MICAL2: variants seen among roughly 807,000 people sequenced by gnomAD.
MICAL2 encodes microtubule associated monooxygenase, calponin and LIM domain containing 2.
Under a neutral mutation model 127.3 loss-of-function variants are expected in MICAL2, and 77 were observed. The ratio of observed to expected loss-of-function variants is 0.60; its 90% CI spans 0.50 to 0.73. The LOEUF (loss-of-function observed/expected upper bound fraction) is 0.73. MICAL2 is among the 30% of genes least tolerant of loss of function. The probability of loss-of-function intolerance (pLI) is 0.00; values close to 1 mark genes in which losing one functional copy is unlikely to be tolerated. For synonymous variants in MICAL2, 570 were observed against 551.1 expected (o/e 1.03, Z -0.48); for missense variants, 1,351 against 1,434.4 (o/e 0.94, Z 0.94).
At chr11:12,179,769 C>T (rs1302457928) in intron 3 of MICAL2, among the ~76,000 whole-genome samples, 1 of 152,190 alleles carries the variant, frequency 6.6e-6, no homozygotes, top group Non-Finnish European at 1.5e-5. Flanking sequence ...CAGAGCCCAG[C>T]TGGTTGGTGT....
rs753349067 is a variant in MICAL2 at position 12,262,465 on chromosome 11, C to T, written c.3335-15C>T. Reference sequence around the variant, plus strand: ...ATCTTTCTCTCTCTTTCCAATCTTACGCCATGGCCATCAGTTCATTTCAGC... The same window carrying T: ...ATCTTTCTCTCTCTTTCCAATCTTATGCCATGGCCATCAGTTCATTTCAGC... On this transcript the variant is annotated splice_polypyrimidine_tract_variant and intron_variant, in intron 26 of 27. Coordinates refer to ENST00000683283, the MANE Select transcript of MICAL2 (RefSeq NM_001282663.2). 268 of 1,613,506 alleles carry T rather than the reference C, an allele frequency of 1.7e-4. 1 individual carries two copies. In the Admixed American group the frequency reaches 3.6e-3, roughly 22 times the overall value.
At chr11:12,271,670 T>A (rs952522086), upstream of MICAL2, among the ~76,000 whole-genome samples, 2 of 152,148 alleles carry the variant, frequency 1.3e-5, no homozygotes, top group African/African-American at 4.8e-5. Flanking sequence ...TTTCCAGTAT[T>A]TGTACTAGTG....
intron 1 of MICAL2, among the ~76,000 whole-genome samples, chr11:12,111,649 C>T (rs1298103176): frequency 1.3e-5 from 2 of 152,206 alleles, no homozygotes; most frequent in East Asian, 3.8e-4. Context: ...TGTAGGGCCC[C>T]GCCAGGCCTA....
chr11:12,333,894 A>G (rs548712639), intron 32 of MICAL2, among the ~76,000 whole-genome samples: 16 of 152,308 alleles, frequency 1.1e-4, no homozygotes, highest in Admixed American at 3.9e-4. Flanking sequence ...TCTTATATAT[A>G]TGAAAAGTTG....
upstream of MICAL2, among the ~76,000 whole-genome samples, chr11:12,275,079 A>G (rs2641928): frequency 0.95 from 144,684 of 151,982 alleles, 69,244 homozygotes; most frequent in East Asian, 1. Flanking sequence ...TTTGCCGATG[A>G]CTTGAATGAA....
At chr11:12,329,477 G>A (rs1202302723) in intron 32 of MICAL2, among the ~76,000 whole-genome samples, 1 of 152,214 alleles carries the variant, frequency 6.6e-6, no homozygotes, top group African/African-American at 2.4e-5. Context: ...GAGGTGGCAT[G>A]GTGGGAAGTG....
downstream of MICAL2, chr11:12,292,029 T>G: frequency 5.3e-6 from 7 of 1,311,286 alleles, no homozygotes; most frequent in African/African-American, 1.5e-5. Flanking sequence ...AGTCAGGCTC[T>G]GACATCTTCC....
rs901934156 is a variant in MICAL2, at chr11:12,204,123, C to T, written c.265-127C>T. ...GATGAATGACAGGCCCTAACAGGTA[C>T]ACAGCTTGCACTTGCTGGTTGGTTC... On this transcript the variant is annotated intron_variant, in intron 3 of 27. Transcript: ENST00000683283. The T allele has an allele frequency of 7.1e-6, 6 of 844,906 alleles. No individual in the cohort carries two copies. The African/African-American group carries it at 8.4e-5, about 12-fold the overall frequency. 52.3% of individuals were successfully genotyped at this position (844,906 alleles called of 1,614,324 possible). A position where few individuals can be genotyped will look rare whatever the true frequency, so the allele number is the denominator to read the frequency against.
intron 32 of MICAL2, among the ~76,000 whole-genome samples, chr11:12,347,074 C>T (rs905093561): frequency 2.0e-5 from 3 of 151,920 alleles, no homozygotes; most frequent in African/African-American, 7.3e-5. Context: ...TGCCCCTCAG[C>T]CCCTCCCAAT....
chr11:12,350,946 G>T (rs1163300805), intron 33 of MICAL2, among the ~76,000 whole-genome samples: 2 of 152,016 alleles, frequency 1.3e-5, no homozygotes, highest in Non-Finnish European at 1.5e-5. Flanking sequence ...ACTTTTTCTG[G>T]CTCCAGGCTT....
At chr11:12,193,541 C>T (rs1322363318) in intron 3 of MICAL2, among the ~76,000 whole-genome samples, 1 of 152,114 alleles carries the variant, frequency 6.6e-6, no homozygotes, top group Non-Finnish European at 1.5e-5. Context: ...GAGGTGGTGC[C>T]AGTAGAGGAT....
chr11:12,256,593 G>GCCCC (rs1862353976), intron 23 of MICAL2, 192 bp from the exon 24 acceptor site: 1 of 520,836 alleles, frequency 1.9e-6, no homozygotes, highest in Non-Finnish European at 3.3e-6. Flanking sequence ...GTTAACAGAA[G>GCCCC]CCCCTGCAGG....
intron 1 of MICAL2, among the ~76,000 whole-genome samples, chr11:12,135,201 GAC>G (rs775015996): frequency 1.8e-4 from 27 of 152,194 alleles, no homozygotes; most frequent in Non-Finnish European, 3.2e-4. Flanking sequence ...TCAGGAGAGA[GAC>G]ACAGAGAGAA....
chr11:12,293,126 C>T (rs1863926170), downstream of MICAL2, among the ~76,000 whole-genome samples: 1 of 152,228 alleles, frequency 6.6e-6, no homozygotes, highest in South Asian at 2.1e-4. Flanking sequence ...GTTGGAGGAA[C>T]ATACCTATGG....
chr11:12,277,200 C>CT (rs1322145319), intron 1 of MICAL2, among the ~76,000 whole-genome samples: 5 of 151,896 alleles, frequency 3.3e-5, no homozygotes, highest in African/African-American at 1.2e-4. Context: ...TGACAGAGGG[C>CT]TATTGGGCCG....
intron 18 of MICAL2, among the ~76,000 whole-genome samples, chr11:12,241,920 G>GT (rs909356355): frequency 6.0e-5 from 9 of 151,154 alleles, no homozygotes; most frequent in African/African-American, 1.5e-4. Flanking sequence ...AGGCTTGGGT[G>GT]TTTTTTTTTA....
intron 32 of MICAL2, among the ~76,000 whole-genome samples, chr11:12,336,549 T>C (rs547061230): frequency 6.6e-6 from 1 of 152,328 alleles, no homozygotes; most frequent in Admixed American, 6.5e-5. Context: ...AAGGGAATGC[T>C]TCCAGTTTTT....
At chr11:12,228,394 G>A (rs779177155) in intron 15 of MICAL2, among the ~76,000 whole-genome samples, 15 of 152,148 alleles carry the variant, frequency 9.9e-5, no homozygotes, top group South Asian at 2.1e-4. Context: ...CTGCTACTCC[G>A]TTGTACTTCA....
At chr11:12,358,363 G>C in exon 35 of MICAL2, 1 of 1,614,098 alleles carries the variant, frequency 6.2e-7, no homozygotes, top group Non-Finnish European at 8.5e-7. Context: ...GCAAGTGATT[G>C]AGCAAAGGGA....
Sources: allele counts gnomAD v4.1 joint callset (sites outside exome capture counted in the v4.1 genomes callset), GRCh38; gene constraint gnomAD v4.1.1; transcripts MANE v1.5; gene names NCBI Gene and HGNC (gene_info 2026-07-23, HGNC 2026-07-21).